Variants in MAPK8 observed in about 807,000 individuals in gnomAD.
The protein encoded by MAPK8 is JUN N-terminal kinase.
In MAPK8, 13 loss-of-function variants were observed where a neutral mutation model predicts 52.9. That is an observed-to-expected ratio of 0.25 (90% CI 0.16 to 0.39). The LOEUF (loss-of-function observed/expected upper bound fraction) is 0.39. Ranked by LOEUF, MAPK8 falls within the 10% of genes least tolerant of loss-of-function variation. The pLI is 1.00. For missense variants in MAPK8, 300 were observed against 519.2 expected (o/e 0.58, Z 4.10); for synonymous variants, 191 against 169.8 (o/e 1.12, Z -0.97).
chr10:48,351,047 A>G (rs957690941), intron 1 of MAPK8, among the ~76,000 whole-genome samples: 2 of 152,172 alleles, frequency 1.3e-5, no homozygotes, highest in African/African-American at 4.8e-5. Flanking sequence ...ATACCTAGGA[A>G]TACATCTTAC....
chr10:48,426,927 CTATTA>C, intron 9 of MAPK8, 148 bp from the exon 10 acceptor site: 1 of 573,766 alleles, frequency 1.7e-6, no homozygotes, highest in Non-Finnish European at 3.1e-6. Flanking sequence ...TCTTCCTAAA[CTATTA>C]TGTCTGTATA....
chr10:48,322,330 T>C (rs1212624401), intron 1 of MAPK8, among the ~76,000 whole-genome samples: 4 of 151,668 alleles, frequency 2.6e-5, no homozygotes, highest in South Asian at 2.1e-4. Context: ...AAAAAAACTT[T>C]TTTGAATATA....
chr10:48,362,783 C>G (rs1244469158), intron 1 of MAPK8, among the ~76,000 whole-genome samples: 1 of 144,870 alleles, frequency 6.9e-6, no homozygotes. Flanking sequence ...TCTTGTTGCC[C>G]AGGCTGGAGT....
chr10:48,325,162 G>A (rs1429134584), intron 1 of MAPK8, among the ~76,000 whole-genome samples: 1 of 151,994 alleles, frequency 6.6e-6, no homozygotes, highest in East Asian at 1.9e-4. Flanking sequence ...TTTTAGTAGA[G>A]ATGGGGTTTC....
At chr10:48,307,889 G>A (rs1476312416) in intron 1 of MAPK8, among the ~76,000 whole-genome samples, 1 of 152,166 alleles carries the variant, frequency 6.6e-6, no homozygotes, top group Non-Finnish European at 1.5e-5. Context: ...ATCCTTTCAT[G>A]GAAGAGGATG....
At chr10:48,412,182 T>G (rs939530030) in intron 5 of MAPK8, among the ~76,000 whole-genome samples, 1 of 152,178 alleles carries the variant, frequency 6.6e-6, no homozygotes, top group Non-Finnish European at 1.5e-5. Flanking sequence ...CATTGCTATT[T>G]GTTTTGCCAT....
At chr10:48,362,064 G>T (rs1427135152) in intron 1 of MAPK8, among the ~76,000 whole-genome samples, 2 of 152,132 alleles carry the variant, frequency 1.3e-5, no homozygotes, top group African/African-American at 4.8e-5. Flanking sequence ...CCAGTGGTCT[G>T]TGATGCAAAA....
intron 1 of MAPK8, among the ~76,000 whole-genome samples, chr10:48,311,735 G>A (rs760254693): frequency 1.2e-4 from 18 of 152,152 alleles, no homozygotes; most frequent in Non-Finnish European, 2.4e-4. Flanking sequence ...TTATTTATTA[G>A]TACCACTTAG....
At chr10:48,345,885 A>G (rs1382598152) in intron 1 of MAPK8, among the ~76,000 whole-genome samples, 1 of 152,222 alleles carries the variant, frequency 6.6e-6, no homozygotes, top group Non-Finnish European at 1.5e-5. Flanking sequence ...GCCTAGCAAG[A>G]CAGAAAATAA....
At chr10:48,362,881 C>T (rs967209808) in intron 1 of MAPK8, among the ~76,000 whole-genome samples, 1 of 150,942 alleles carries the variant, frequency 6.6e-6, no homozygotes, top group Non-Finnish European at 1.5e-5. Flanking sequence ...GCTGGGATTA[C>T]AGGCGCCTGC....
At chr10:48,317,469 TG>T (rs1489840381) in intron 1 of MAPK8, among the ~76,000 whole-genome samples, 1 of 152,196 alleles carries the variant, frequency 6.6e-6, no homozygotes, top group Non-Finnish European at 1.5e-5. Context: ...AGCCCCTGAA[TG>T]AAACACTTTG....
At chr10:48,400,160 CA>C (rs1203261719) in intron 1 of MAPK8, among the ~76,000 whole-genome samples, 1 of 152,132 alleles carries the variant, frequency 6.6e-6, no homozygotes, top group Non-Finnish European at 1.5e-5. Flanking sequence ...AAATCATTAC[CA>C]AAGCTCCTTT....
At chr10:48,328,300 CTT>C (rs149812521) in intron 1 of MAPK8, among the ~76,000 whole-genome samples, 19 of 145,104 alleles carry the variant, frequency 1.3e-4, no homozygotes, top group African/African-American at 4.8e-4. Flanking sequence ...AATGAGCCAG[CTT>C]TTTTTTTTTT....
At chr10:48,322,358 G>A (rs539948895) in intron 1 of MAPK8, among the ~76,000 whole-genome samples, 12 of 151,820 alleles carry the variant, frequency 7.9e-5, no homozygotes, top group Middle Eastern at 3.4e-3. Context: ...TGTCTGTGTC[G>A]GATAACTTAA....
At chr10:48,374,823 G>A (rs913277620) in intron 1 of MAPK8, among the ~76,000 whole-genome samples, 3 of 152,164 alleles carry the variant, frequency 2.0e-5, no homozygotes, top group Non-Finnish European at 4.4e-5. Context: ...AGAGGAGCTG[G>A]TACCATTCCT....
chr10:48,336,653 CTT>C (rs59783592), intron 1 of MAPK8, among the ~76,000 whole-genome samples: 5,522 of 152,146 alleles, frequency 0.036, 278 homozygotes, highest in African/African-American at 0.11. Context: ...TGAAAAATAA[CTT>C]TTTCAAAAGA....
chr10:48,315,780 T>C (rs1842440240), intron 1 of MAPK8, among the ~76,000 whole-genome samples: 1 of 151,704 alleles, frequency 6.6e-6, no homozygotes, highest in Admixed American at 6.6e-5. Context: ...ATTTTTCTTA[T>C]GTCATGCCAG....
intron 9 of MAPK8, chr10:48,426,718 A>G: frequency 1.9e-6 from 1 of 531,402 alleles, no homozygotes; most frequent in Non-Finnish European, 3.2e-6. Context: ...GTTTTTTGCA[A>G]TCTTGCCTGG....
At chr10:48,380,654 A>G (rs1318294754) in intron 1 of MAPK8, among the ~76,000 whole-genome samples, 2 of 152,180 alleles carry the variant, frequency 1.3e-5, no homozygotes, top group Non-Finnish European at 2.9e-5. Flanking sequence ...AATCACTTGA[A>G]CCCAGGAGGA....
Sources: gnomAD v4.1 joint callset for allele counts (sites outside exome capture counted in the v4.1 genomes callset) on GRCh38, gnomAD v4.1.1 for gene constraint, MANE v1.5 for transcripts, NCBI Gene and HGNC (gene_info 2026-07-23, HGNC 2026-07-21) for gene names.